The following TMEM132C variants were observed in gnomAD, a reference collection of about 807,000 sequenced individuals.
The protein encoded by TMEM132C is protein phosphatase 1, regulatory subunit 152.
A neutral mutation model predicts 61.4 loss-of-function variants in TMEM132C; 29 were observed. That is an observed-to-expected ratio of 0.47 (90% confidence interval 0.35 to 0.64). The LOEUF is 0.64. Among genes scored for constraint, TMEM132C ranks in the 30% least tolerant of loss-of-function variants. The pLI is 0.00. For missense variants in TMEM132C, 1,408 were observed against 1,476.9 expected (o/e 0.95, Z 0.76); for synonymous variants, 656 against 633.1 (o/e 1.04, Z -0.54).
chr12:128,268,952 G>A (rs1436486471), intron 1 of TMEM132C, among the ~76,000 whole-genome samples: 1 of 111,964 alleles, frequency 8.9e-6, no homozygotes, highest in African/African-American at 3.5e-5. Flanking sequence ...GGGAAAGGGG[G>A]TGAGAGACGA....
chr12:128,453,945 G>A (rs1460537696), intron 2 of TMEM132C, among the ~76,000 whole-genome samples: 3 of 152,214 alleles, frequency 2.0e-5, no homozygotes, highest in African/African-American at 7.2e-5. Flanking sequence ...GCTGTGACAC[G>A]TGAAGGAGAT....
At chr12:128,620,058 T>G (rs765144555) in intron 4 of TMEM132C, among the ~76,000 whole-genome samples, 94 of 151,716 alleles carry the variant, frequency 6.2e-4, no homozygotes, top group Admixed American at 1.1e-3. Context: ...TAGTGAGACC[T>G]CATTTCTACA....
intron 5 of TMEM132C, among the ~76,000 whole-genome samples, chr12:128,682,233 A>G (rs113908921): frequency 1.9e-4 from 29 of 152,210 alleles, no homozygotes; most frequent in South Asian, 2.1e-4. Context: ...CCCCAAAGAA[A>G]CTAGGGCTGT....
At chr12:128,690,108 C>T (rs552445974) in intron 5 of TMEM132C, among the ~76,000 whole-genome samples, 33 of 152,300 alleles carry the variant, frequency 2.2e-4, no homozygotes, top group South Asian at 1.5e-3. Flanking sequence ...GTGGCTCCAC[C>T]AAGCCTCACG....
intron 1 of TMEM132C, among the ~76,000 whole-genome samples, chr12:128,343,881 T>A (rs976300331): frequency 2.6e-5 from 4 of 152,220 alleles, no homozygotes; most frequent in Middle Eastern, 3.2e-3. Context: ...CTGTGTAATA[T>A]GAACAAAACT....
intron 5 of TMEM132C, among the ~76,000 whole-genome samples, chr12:128,681,689 T>A (rs2398419): frequency 6.9e-6 from 1 of 144,000 alleles, no homozygotes; most frequent in Non-Finnish European, 1.5e-5. Context: ...AGTCTCACCC[T>A]ATCTCCCAGG....
intron 1 of TMEM132C, among the ~76,000 whole-genome samples, chr12:128,396,531 C>A (rs1436238407): frequency 1.3e-5 from 2 of 152,074 alleles, no homozygotes; most frequent in African/African-American, 4.8e-5. Context: ...TATAACAAAC[C>A]TGCACATTCT....
At chr12:128,696,146 G>T (rs1266784031) in intron 7 of TMEM132C, 43 bp downstream of exon 7, 1 of 1,533,832 alleles carries the variant, frequency 6.5e-7, no homozygotes, top group Admixed American at 2.0e-5. Context: ...CTGGGCATGT[G>T]TGCAGTGTTG....
At chr12:128,689,318 C>G (rs1278437966) in intron 5 of TMEM132C, among the ~76,000 whole-genome samples, 1 of 152,044 alleles carries the variant, frequency 6.6e-6, no homozygotes, top group Non-Finnish European at 1.5e-5. Flanking sequence ...TTTCTCTCAG[C>G]AATTTTGAAA....
intron 2 of TMEM132C, among the ~76,000 whole-genome samples, chr12:128,491,975 T>A (rs886311955): frequency 5.9e-5 from 9 of 152,050 alleles, no homozygotes; most frequent in African/African-American, 2.2e-4. Context: ...ACATTAGGTA[T>A]ATCTCCTAAT....
chr12:128,411,999 G>C (rs7979795), intron 1 of TMEM132C, among the ~76,000 whole-genome samples: 1 of 151,962 alleles, frequency 6.6e-6, no homozygotes, highest in African/African-American at 2.4e-5. Flanking sequence ...TTGCTAATTC[G>C]TACTTTTGTC....
intron 1 of TMEM132C, among the ~76,000 whole-genome samples, chr12:128,271,510 A>T (rs796423319): frequency 5.9e-5 from 9 of 152,306 alleles, no homozygotes; most frequent in African/African-American, 2.2e-4. Context: ...AGATGATCAA[A>T]TAAGTTTTCT....
intron 1 of TMEM132C, among the ~76,000 whole-genome samples, chr12:128,289,658 A>G (rs1370648306): frequency 6.6e-6 from 1 of 152,226 alleles, no homozygotes; most frequent in Non-Finnish European, 1.5e-5. Context: ...CTTTTAAATC[A>G]GCATTTTCTA....
At chr12:128,491,648 C>T (rs1411314137) in intron 2 of TMEM132C, among the ~76,000 whole-genome samples, 2 of 152,144 alleles carry the variant, frequency 1.3e-5, no homozygotes, top group African/African-American at 4.8e-5. Context: ...ACACTGACCT[C>T]CATGCCTCTG....
chr12:128,657,387 T>C (rs1264992254), intron 4 of TMEM132C, among the ~76,000 whole-genome samples: 1 of 152,194 alleles, frequency 6.6e-6, no homozygotes, highest in Non-Finnish European at 1.5e-5. Context: ...AAAGCTCTTT[T>C]TCTTTACTTC....
At chr12:128,700,678 C>T (rs1434258189) in intron 8 of TMEM132C, among the ~76,000 whole-genome samples, 1 of 152,138 alleles carries the variant, frequency 6.6e-6, no homozygotes, top group Admixed American at 6.5e-5. Flanking sequence ...AGGGTAGTAG[C>T]CTGCATGTTC....
At chr12:128,366,147 G>C (rs1285688874) in intron 1 of TMEM132C, among the ~76,000 whole-genome samples, 1 of 152,196 alleles carries the variant, frequency 6.6e-6, no homozygotes, top group African/African-American at 2.4e-5. Context: ...CTCCAGCCCA[G>C]GGCCGGGAAG....
intron 3 of TMEM132C, among the ~76,000 whole-genome samples, chr12:128,592,768 T>C (rs1475095006): frequency 2.6e-5 from 4 of 152,232 alleles, no homozygotes; most frequent in Admixed American, 2.6e-4. Context: ...GGCTCCCAGA[T>C]TCCCTTTTCT....
At chr12:128,483,053 T>C (rs908349356) in intron 2 of TMEM132C, among the ~76,000 whole-genome samples, 1 of 151,284 alleles carries the variant, frequency 6.6e-6, no homozygotes, top group South Asian at 2.1e-4. Flanking sequence ...GGGCAGGAGT[T>C]GGAGACCAGT....
Sources: gnomAD v4.1 joint callset for allele counts (sites outside exome capture counted in the v4.1 genomes callset) on GRCh38, gnomAD v4.1.1 for gene constraint, MANE v1.5 for transcripts, NCBI Gene and HGNC (gene_info 2026-07-23, HGNC 2026-07-21) for gene names.